The following IL21R variants were observed in gnomAD, a reference collection of about 807,000 sequenced individuals.
The protein encoded by IL21R is interleukin 21 receptor.
In IL21R, 14 loss-of-function variants were observed where a neutral mutation model predicts 41.3. The observed-to-expected ratio is 0.34, with a 90% confidence interval of 0.22 to 0.53. The LOEUF is 0.53. IL21R is among the 20% of genes least tolerant of loss of function. The pLI, the probability that IL21R is intolerant of heterozygous loss-of-function variation, is 0.94. For missense variants in IL21R, 588 were observed against 681.6 expected, an observed-to-expected ratio of 0.86 and a Z score of 1.53; for synonymous variants, 286 against 287.6, an observed-to-expected ratio of 0.99 and a Z score of 0.05.
At chr16:27,432,530 C>T (rs1466376802) in intron 2 of IL21R, among the ~76,000 whole-genome samples, 1 of 152,188 alleles carries the variant, frequency 6.6e-6, no homozygotes, top group Non-Finnish European at 1.5e-5. Flanking sequence ...AGTTTGGAGA[C>T]AAACCCTGTC....
chr16:27,449,898 C>T lies in IL21R; in HGVS notation c.*615C>T, dbSNP rs1288678598. 4 of 234,086 alleles carry T rather than the reference C, an allele frequency of 1.7e-5. No homozygotes were observed. Among genetic ancestry groups the T allele is most frequent in the Non-Finnish European group, 3.4e-5 (4 of 118,756 alleles). 14.5% of individuals were successfully genotyped at this position (234,086 alleles called of 1,614,324 possible). ...GCGGCCCCTGGACGAAGGTCTGAAT[C>T]CCGACTCTGATACCTTCTGGCTGTG... On this transcript the variant is annotated 3_prime_UTR_variant, in exon 9 of 9. Transcript: ENST00000337929.
At position 27,451,416 on chromosome 16, in the gene IL21R, C is replaced by A; in HGVS notation, c.*2133C>A. 1 of 223,464 alleles carries A rather than the reference C, an allele frequency of 4.5e-6. No homozygotes were observed. The allele number at this position is 223,464 out of a possible 1,614,324, so 13.8% of individuals were successfully genotyped here. ...AACTCAGCTTATAAACACAGAGGAG[C>A]AAAGTTGGAGGGCCGGGCGTAGTGG... On this transcript the variant is annotated 3_prime_UTR_variant, in exon 9 of 9. Coordinates refer to ENST00000337929, the MANE Select transcript of IL21R (RefSeq NM_181078.3).
intron 7 of IL21R, among the ~76,000 whole-genome samples, chr16:27,445,511 C>G (rs928930241): frequency 6.6e-6 from 1 of 152,188 alleles, no homozygotes; most frequent in African/African-American, 2.4e-5. Flanking sequence ...AATGGAGAAA[C>G]TGAGGCAAGG....
chr16:27,425,833 G>A (rs1223224405), intron 1 of IL21R, among the ~76,000 whole-genome samples: 2 of 152,148 alleles, frequency 1.3e-5, no homozygotes, highest in Non-Finnish European at 2.9e-5. Context: ...TGGGATTACA[G>A]GCATGACCCA....
At chr16:27,429,994 A>T in intron 1 of IL21R, 62 bp from the exon 2 acceptor site, 1 of 1,404,870 alleles carries the variant, frequency 7.1e-7, no homozygotes, top group Non-Finnish European at 9.9e-7. Flanking sequence ...AGACAGGATG[A>T]GGGGGAGGCC....
intron 1 of IL21R, among the ~76,000 whole-genome samples, chr16:27,421,654 T>C (rs2087003078): frequency 6.6e-6 from 1 of 152,158 alleles, no homozygotes; most frequent in Admixed American, 6.5e-5. Flanking sequence ...CTTCAGATTA[T>C]TTATTGCCAG....
Position 27,450,049 on chromosome 16 carries a change from C to T in IL21R, c.*766C>T, listed in dbSNP as rs2087563605. 4.3e-6 allele frequency: 1 copy of T among 232,594 alleles called. No homozygotes were observed. Among genetic ancestry groups the T allele is most frequent in the Non-Finnish European group, 8.5e-6 (1 of 117,696 alleles). The allele number at this position is 232,594 out of a possible 1,614,324, so 14.4% of individuals were successfully genotyped here. A position where few individuals can be genotyped will look rare whatever the true frequency, so the allele number is the denominator to read the frequency against. ...TGTACGGTACGCAGCCCAGAGCAGA[C>T]CCTCAATAAACGTCAGCTTCCTTCC... On this transcript the variant is annotated 3_prime_UTR_variant, in exon 9 of 9. Transcript: ENST00000337929.
chr16:27,433,247 G>A (rs1024031095), intron 2 of IL21R, among the ~76,000 whole-genome samples: 4 of 152,162 alleles, frequency 2.6e-5, no homozygotes, highest in Non-Finnish European at 4.4e-5. Flanking sequence ...CAGGTGGATC[G>A]CTTGAGCTCA....
chr16:27,431,140 C>T (rs936799868), intron 2 of IL21R, among the ~76,000 whole-genome samples: 2 of 152,178 alleles, frequency 1.3e-5, no homozygotes, highest in African/African-American at 4.8e-5. Flanking sequence ...TCAACAGCTG[C>T]TCTGCTGACT....
intron 7 of IL21R, 57 bp downstream of exon 7, chr16:27,445,333 T>C: frequency 9.4e-6 from 10 of 1,065,004 alleles, no homozygotes; most frequent in Non-Finnish European, 1.5e-5. Flanking sequence ...ACTGCCCCTG[T>C]ATGATACATG....
chr16:27,425,042 G>A (rs1440941408), intron 1 of IL21R, among the ~76,000 whole-genome samples: 2 of 152,172 alleles, frequency 1.3e-5, no homozygotes, highest in African/African-American at 4.8e-5. Flanking sequence ...AGCCATTCAT[G>A]AGAAATCCGC....
chr16:27,442,453 T>C (rs2087405790), intron 4 of IL21R, among the ~76,000 whole-genome samples: 1 of 152,168 alleles, frequency 6.6e-6, no homozygotes, highest in Non-Finnish European at 1.5e-5. Context: ...AAGCTCTGCC[T>C]CCCGGGTTCA....
chr16:27,402,500 C>T lies in IL21R; in HGVS notation c.-135C>T, dbSNP rs1331861172. 1 of 153,250 alleles carries T rather than the reference C, an allele frequency of 6.5e-6. No individual in the cohort carries two copies. Among genetic ancestry groups the T allele is most frequent in the African/African-American group, 2.4e-5 (1 of 41,486 alleles). The allele number at this position is 153,250 out of a possible 1,614,324, so 9.5% of individuals were successfully genotyped here. A position where few individuals can be genotyped will look rare whatever the true frequency, so the allele number is the denominator to read the frequency against. ...GTGGATTCTCACCCCAGGCCTCTGC[C>T]TGCTTTCTCAGACCCTCATCTGTCA... is the stretch of plus-strand genomic sequence containing the variant. On this transcript the variant is annotated 5_prime_UTR_variant, in exon 1 of 9. Transcript: ENST00000337929.
chr16:27,437,829 A>C (rs2088631633), intron 4 of IL21R, 142 bp downstream of exon 4: 1 of 663,094 alleles, frequency 1.5e-6, no homozygotes, highest in Admixed American at 2.5e-5. Flanking sequence ...CACCCAGCTA[A>C]TTTTTGTATT....
intron 4 of IL21R, among the ~76,000 whole-genome samples, chr16:27,441,046 CAAAAAAA>C (rs35321284): frequency 2.9e-5 from 2 of 68,380 alleles, no homozygotes; most frequent in African/African-American, 5.1e-5. Context: ...GATTCTGTCT[CAAAAAAA>C]AAAAAAAAAA....
intron 3 of IL21R, among the ~76,000 whole-genome samples, chr16:27,435,767 TTC>T (rs2087258732): frequency 6.6e-6 from 1 of 151,154 alleles, no homozygotes; most frequent in East Asian, 2.0e-4. Context: ...ACAGGACACT[TTC>T]TTTCTTTCTT....
intron 1 of IL21R, among the ~76,000 whole-genome samples, chr16:27,412,622 C>G (rs2086838943): frequency 6.6e-6 from 1 of 152,124 alleles, no homozygotes; most frequent in Admixed American, 6.5e-5. Flanking sequence ...AATCCATGAT[C>G]ATGGGATGTC....
intron 1 of IL21R, among the ~76,000 whole-genome samples, chr16:27,428,938 T>C (rs2087121589): frequency 6.6e-6 from 1 of 152,224 alleles, no homozygotes; most frequent in African/African-American, 2.4e-5. Context: ...GCCAATTTAT[T>C]GATGGCTGGG....
intron 1 of IL21R, among the ~76,000 whole-genome samples, chr16:27,411,884 G>C (rs1401946453): frequency 6.6e-6 from 1 of 152,074 alleles, no homozygotes; most frequent in East Asian, 1.9e-4. Flanking sequence ...CATTCCATAG[G>C]TTGCCTTTTG....
Sources: gnomAD v4.1 joint callset for allele counts (sites outside exome capture counted in the v4.1 genomes callset) on GRCh38, gnomAD v4.1.1 for gene constraint, MANE v1.5 for transcripts, NCBI Gene and HGNC (gene_info 2026-07-23, HGNC 2026-07-21) for gene names.